Variants in CNTNAP2 observed in about 807,000 individuals in gnomAD.
CNTNAP2 encodes the protein contactin associated protein 2.
In CNTNAP2, 98 loss-of-function variants were observed where a neutral mutation model predicts 155.2. The observed-to-expected ratio is 0.63, with a 90% CI of 0.54 to 0.75. The LOEUF is 0.75. CNTNAP2 is among the 30% of genes least tolerant of loss of function. The probability of loss-of-function intolerance (pLI) is 0.00; values close to 1 mark genes in which losing one functional copy is unlikely to be tolerated. For synonymous variants in CNTNAP2, 651 were observed against 631.2 expected, an observed-to-expected ratio of 1.03 and a Z score of -0.47; for missense variants, 1,727 against 1,688.1, an observed-to-expected ratio of 1.02 and a Z score of -0.40.
chr7:146,483,282 A>ATATATAT (rs1554439529), intron 1 of CNTNAP2, among the ~76,000 whole-genome samples: 3 of 39,880 alleles, frequency 7.5e-5, no homozygotes, highest in East Asian at 1.1e-3. Flanking sequence ...TCTAAAAAAA[A>ATATATAT]ATATATATAT....
chr7:146,726,438 A>G (rs906186824), intron 1 of CNTNAP2, among the ~76,000 whole-genome samples: 1 of 152,068 alleles, frequency 6.6e-6, no homozygotes, highest in Non-Finnish European at 1.5e-5. Context: ...TCATCTCTGC[A>G]TTCCAAATTA....
intron 10 of CNTNAP2, among the ~76,000 whole-genome samples, chr7:147,415,798 CG>C (rs1381802742): frequency 6.6e-6 from 1 of 152,036 alleles, no homozygotes; most frequent in East Asian, 1.9e-4. Context: ...GCCGTTAAAC[CG>C]GGCCTTTTTT....
intron 1 of CNTNAP2, among the ~76,000 whole-genome samples, chr7:146,765,030 A>C (rs1802170582): frequency 6.6e-6 from 1 of 152,132 alleles, no homozygotes; most frequent in Non-Finnish European, 1.5e-5. Flanking sequence ...ATATAAACCA[A>C]TATTGATCAT....
chr7:148,415,009 GGGAAA>G, intron 23 of CNTNAP2: 1 of 319,422 alleles, frequency 3.1e-6, no homozygotes, highest in Non-Finnish European at 6.0e-6. Flanking sequence ...TCTCCATTCA[GGGAAA>G]CCACTGTGCT....
chr7:147,510,306 T>C (rs1282840000), intron 11 of CNTNAP2, among the ~76,000 whole-genome samples: 1 of 152,160 alleles, frequency 6.6e-6, no homozygotes, highest in Non-Finnish European at 1.5e-5. Flanking sequence ...CATTCCACCT[T>C]ATCCTTGCCA....
At chr7:148,048,962 A>G (rs2116491270) in intron 15 of CNTNAP2, among the ~76,000 whole-genome samples, 1 of 152,356 alleles carries the variant, frequency 6.6e-6, no homozygotes, top group African/African-American at 2.4e-5. Context: ...CTGTAATCCC[A>G]GCACTTTGGG....
intron 3 of CNTNAP2, among the ~76,000 whole-genome samples, chr7:146,898,780 A>C (rs1321221222): frequency 1.3e-5 from 2 of 152,020 alleles, no homozygotes; most frequent in East Asian, 3.9e-4. Context: ...GAGTACATGC[A>C]ATGAAAAAAA....
chr7:146,323,860 C>T (rs1444506420), intron 1 of CNTNAP2, among the ~76,000 whole-genome samples: 2 of 152,118 alleles, frequency 1.3e-5, no homozygotes, highest in Non-Finnish European at 2.9e-5. Context: ...TAACATTGCT[C>T]CATTCCCTGT....
intron 13 of CNTNAP2, among the ~76,000 whole-genome samples, chr7:147,865,524 C>G (rs1406329442): frequency 6.6e-6 from 1 of 152,174 alleles, no homozygotes; most frequent in Non-Finnish European, 1.5e-5. Context: ...CTTTGTACCT[C>G]TGGTAGAATT....
chr7:147,511,441 A>G (rs1421985280), intron 11 of CNTNAP2, among the ~76,000 whole-genome samples: 1 of 141,162 alleles, frequency 7.1e-6, no homozygotes, highest in Admixed American at 7.7e-5. Flanking sequence ...GAAAAAGCTA[A>G]TTATCCTTTA....
chr7:148,258,103 T>C (rs76146266), intron 20 of CNTNAP2, among the ~76,000 whole-genome samples: 1,666 of 152,160 alleles, frequency 0.011, 33 homozygotes, highest in African/African-American at 0.037. Context: ...GAGAAAGAAA[T>C]AGCCGAAAGT....
At chr7:148,332,370 G>A (rs1009792490) in intron 21 of CNTNAP2, among the ~76,000 whole-genome samples, 17 of 152,282 alleles carry the variant, frequency 1.1e-4, no homozygotes, top group African/African-American at 3.9e-4. Flanking sequence ...AGGATATGAT[G>A]TGATGCTTTA....
intron 21 of CNTNAP2, among the ~76,000 whole-genome samples, chr7:148,372,656 C>T (rs1798909790): frequency 1.3e-5 from 2 of 152,020 alleles, no homozygotes; most frequent in African/African-American, 4.8e-5. Context: ...TACCGTGAGC[C>T]GAGATTGTGC....
intron 13 of CNTNAP2, among the ~76,000 whole-genome samples, chr7:147,870,223 C>A (rs928833158): frequency 6.6e-6 from 1 of 152,112 alleles, no homozygotes; most frequent in Non-Finnish European, 1.5e-5. Flanking sequence ...CTGAGAGAGA[C>A]TCAGGCCATA....
intron 4 of CNTNAP2, among the ~76,000 whole-genome samples, chr7:147,051,481 T>C (rs974281890): frequency 1.3e-5 from 2 of 152,060 alleles, no homozygotes; most frequent in Admixed American, 1.3e-4. Flanking sequence ...GTTTAAATAC[T>C]CTATGATAAA....
intron 12 of CNTNAP2, among the ~76,000 whole-genome samples, chr7:147,621,607 C>T (rs907314640): frequency 2.0e-5 from 3 of 151,572 alleles, no homozygotes; most frequent in African/African-American, 7.3e-5. Flanking sequence ...TTTGGAAGCC[C>T]CATGGTAACC....
At chr7:148,210,586 C>A (rs1298191058) in intron 18 of CNTNAP2, among the ~76,000 whole-genome samples, 2 of 152,204 alleles carry the variant, frequency 1.3e-5, no homozygotes, top group Admixed American at 1.3e-4. Context: ...GCCACACGTG[C>A]CACTCAGGAT....
chr7:148,152,162 A>G (rs1011617971), intron 17 of CNTNAP2, among the ~76,000 whole-genome samples: 4 of 152,058 alleles, frequency 2.6e-5, no homozygotes. Context: ...TCACTGAGAC[A>G]ATGTTATTGC....
At chr7:148,066,340 C>T (rs1803261772) in intron 15 of CNTNAP2, among the ~76,000 whole-genome samples, 1 of 152,086 alleles carries the variant, frequency 6.6e-6, no homozygotes, top group African/African-American at 2.4e-5. Context: ...TCTAACAAGG[C>T]CAGGGAAGTT....
Sources: allele counts gnomAD v4.1 joint callset (sites outside exome capture counted in the v4.1 genomes callset), GRCh38; gene constraint gnomAD v4.1.1; transcripts MANE v1.5; gene names NCBI Gene and HGNC (gene_info 2026-07-23, HGNC 2026-07-21).